Variants in ATP2B1 observed in about 807,000 individuals in gnomAD.
The protein encoded by ATP2B1 is ATPase plasma membrane Ca2+ transporting 1.
In ATP2B1, 14 loss-of-function variants were observed where a neutral mutation model predicts 124.2. That is an observed-to-expected ratio of 0.11 (90% CI 0.07 to 0.18). ATP2B1 has a LOEUF of 0.18. Ranked by LOEUF, ATP2B1 falls within the 10% of genes least tolerant of loss-of-function variation. The pLI, the probability that ATP2B1 is intolerant of heterozygous loss-of-function variation, is 1.00. For synonymous variants in ATP2B1, 449 were observed against 492.4 expected, an observed-to-expected ratio of 0.91 and a Z score of 1.17; for missense variants, 763 against 1,466.1, an observed-to-expected ratio of 0.52 and a Z score of 7.83.
At chr12:89,669,081 ATGTACTGCATTTTCTTG>A (rs1173537041) in intron 1 of ATP2B1, among the ~76,000 whole-genome samples, 2 of 152,134 alleles carry the variant, frequency 1.3e-5, no homozygotes, top group African/African-American at 2.4e-5. Context: ...CACACTCAGT[ATGTACTGCATTTTCTTG>A]TGTACTGCAT....
At chr12:89,612,531 G>A (rs750544200) in intron 12 of ATP2B1, among the ~76,000 whole-genome samples, 4 of 151,838 alleles carry the variant, frequency 2.6e-5, no homozygotes, top group Non-Finnish European at 4.4e-5. Flanking sequence ...AACAGAACCT[G>A]TAACTGCAAA....
intron 1 of ATP2B1, among the ~76,000 whole-genome samples, chr12:89,697,669 G>T (rs1401981): frequency 2.5e-5 from 2 of 80,012 alleles, no homozygotes; most frequent in Non-Finnish European, 4.9e-5. Context: ...AATCCAAAAG[G>T]CTTTTTTTTT....
At position 89,686,178 on chromosome 12, in the gene ATP2B1, T is replaced by C. The variant is rs534858427; in HGVS notation, c.-222+22418A>G. 4.5e-4 allele frequency among the ~76,000 whole-genome samples: 68 copies of C among 152,248 alleles called. No homozygotes were observed. The South Asian group carries it at 8.1e-3, about 18-fold the overall frequency. The stretch of plus-strand genomic sequence containing the variant: ...TTTCTAAAATTTCCTTCAGCATGTG[T>C]TCTTCAAGGCAATCTTTCACCATTT... On this transcript the variant is annotated intron_variant, in intron 1 of 20. Transcript: ENST00000428670.
At chr12:89,703,924 A>C (rs978931331) in intron 1 of ATP2B1, among the ~76,000 whole-genome samples, 3 of 152,200 alleles carry the variant, frequency 2.0e-5, no homozygotes, top group Admixed American at 2.0e-4. Flanking sequence ...CTGCTGAATC[A>C]AAATTCCAGG....
At chr12:89,692,808 T>C in intron 1 of ATP2B1, among the ~76,000 whole-genome samples, 1 of 152,320 alleles carries the variant, frequency 6.6e-6, no homozygotes, top group Middle Eastern at 3.4e-3. Context: ...TAAATGTATG[T>C]ATGGAATTAC....
Position 89,635,257 on chromosome 12 carries a change from T to G in ATP2B1, c.407-6A>C. 6.2e-7 allele frequency: 1 copy of G among 1,607,120 alleles called. No homozygotes were observed. Among genetic ancestry groups the G allele is most frequent in the East Asian group, 2.2e-5 (1 of 44,784 alleles). ...AACAGAAACTTCTCCACAAACTATTTGGAAAGAAAGAAAATGCTTATCAAA... is the reference window on the plus strand; with the variant it reads ...AACAGAAACTTCTCCACAAACTATTGGGAAAGAAAGAAAATGCTTATCAAA... On this transcript the variant is annotated splice_region_variant and splice_polypyrimidine_tract_variant and intron_variant, in intron 3 of 20. Coordinates refer to ENST00000428670, the MANE Select transcript of ATP2B1 (RefSeq NM_001366521.1).
At position 89,688,968 on chromosome 12, in the gene ATP2B1, C is replaced by T. The variant is rs543235511; in HGVS notation, c.-222+19628G>A. ...TACCAAAAAATACACAGGAAGAAGCCTCAACCTTAGTTGTTATTTAGATTC... is the reference window on the plus strand; with the variant it reads ...TACCAAAAAATACACAGGAAGAAGCTTCAACCTTAGTTGTTATTTAGATTC... On this transcript the variant is annotated intron_variant, in intron 1 of 20. Transcript: ENST00000428670. Among the ~76,000 whole-genome samples, 9 of 152,186 alleles carry T rather than the reference C, an allele frequency of 5.9e-5. No individual in the cohort carries two copies. The South Asian group carries it at 1.9e-3, about 32-fold the overall frequency.
intron 1 of ATP2B1, among the ~76,000 whole-genome samples, chr12:89,696,204 G>C (rs1001963411): frequency 6.6e-6 from 1 of 152,200 alleles, no homozygotes. Flanking sequence ...CTGGAAATGA[G>C]TGGGACATAC....
intron 1 of ATP2B1, among the ~76,000 whole-genome samples, chr12:89,687,713 T>C (rs1890120861): frequency 6.6e-6 from 1 of 152,130 alleles, no homozygotes; most frequent in South Asian, 2.1e-4. Flanking sequence ...TATTTTGGGA[T>C]TAAATTCAAC....
chr12:89,638,416 G>A (rs1210384362), intron 3 of ATP2B1, among the ~76,000 whole-genome samples: 1 of 152,126 alleles, frequency 6.6e-6, no homozygotes, highest in Admixed American at 6.5e-5. Context: ...TGAAACCTGA[G>A]AGGGATTCCT....
At chr12:89,641,584 A>C (rs1361096455) in intron 3 of ATP2B1, among the ~76,000 whole-genome samples, 2 of 152,172 alleles carry the variant, frequency 1.3e-5, no homozygotes, top group African/African-American at 2.4e-5. Flanking sequence ...GAATTTTTCC[A>C]CTTGTGGCAT....
At chr12:89,706,492 C>T (rs746214592) in intron 1 of ATP2B1, among the ~76,000 whole-genome samples, 6 of 151,912 alleles carry the variant, frequency 3.9e-5, no homozygotes, top group Non-Finnish European at 8.8e-5. Context: ...CTTCTTTTAC[C>T]AAGAATATCC....
chr12:89,704,441 TTACTC>T (rs1182820905), intron 1 of ATP2B1, among the ~76,000 whole-genome samples: 2 of 152,094 alleles, frequency 1.3e-5, no homozygotes, highest in Non-Finnish European at 2.9e-5. Context: ...TCTATTAAAT[TTACTC>T]TGATCAAAAC....
In ATP2B1 at chr12:89,590,911, A is replaced by G; in HGVS notation, c.*73T>C. 1.4e-6 allele frequency: 2 copies of G among 1,404,950 alleles called. No homozygotes were observed. The highest frequency in any genetic ancestry group is 2.0e-6 in the Non-Finnish European group (2 of 1,016,332). The allele number at this position is 1,404,950 out of a possible 1,614,324, so 87.0% of individuals were successfully genotyped here. On this transcript the variant is annotated 3_prime_UTR_variant, in exon 21 of 21. Transcript: ENST00000428670. ...AGACAAGAATACTAGCTTGTCCATC[A>G]CAATATGTGAAAAGACCCAGTTTCA...
chr12:89,672,835 T>A (rs1406179114), intron 1 of ATP2B1, among the ~76,000 whole-genome samples: 1 of 152,176 alleles, frequency 6.6e-6, no homozygotes, highest in African/African-American at 2.4e-5. Context: ...TCATATTAAG[T>A]CTAGTGCGGT....
intron 13 of ATP2B1, 144 bp downstream of exon 13, chr12:89,611,049 A>T: frequency 1.5e-6 from 1 of 656,642 alleles, no homozygotes; most frequent in Non-Finnish European, 2.4e-6. Flanking sequence ...TTAGAACACT[A>T]GTATTTTGCT....
At chr12:89,597,682 T>C (rs1251591972) in intron 20 of ATP2B1, among the ~76,000 whole-genome samples, 5 of 152,174 alleles carry the variant, frequency 3.3e-5, no homozygotes, top group Admixed American at 6.5e-5. Context: ...TAGGTAGCTC[T>C]GTAAATTTTG....
chr12:89,617,388 G>A (rs1289929581), intron 11 of ATP2B1, among the ~76,000 whole-genome samples: 1 of 152,132 alleles, frequency 6.6e-6, no homozygotes, highest in Non-Finnish European at 1.5e-5. Flanking sequence ...TCAGACATTA[G>A]TTTGAAATAA....
chr12:89,693,861 T>A (rs1424837578), intron 1 of ATP2B1, among the ~76,000 whole-genome samples: 1 of 152,206 alleles, frequency 6.6e-6, no homozygotes, highest in East Asian at 1.9e-4. Flanking sequence ...ATTTCCTGGT[T>A]CTCTACTTTG....
Sources: allele counts gnomAD v4.1 joint callset (sites outside exome capture counted in the v4.1 genomes callset), GRCh38; gene constraint gnomAD v4.1.1; transcripts MANE v1.5; gene names NCBI Gene and HGNC (gene_info 2026-07-23, HGNC 2026-07-21).